AGAP1: variants seen among roughly 807,000 people sequenced by gnomAD.
AGAP1 encodes the protein arf-GAP with GTPase, ANK repeat and PH domain-containing protein 1.
AGAP1 carries 29 observed loss-of-function variants against 105.3 expected under a neutral mutation model. That is an observed-to-expected ratio of 0.28 (90% CI 0.21 to 0.38). AGAP1 has a LOEUF of 0.38. Ranked by LOEUF, AGAP1 falls within the 10% of genes least tolerant of loss-of-function variation. AGAP1 has a pLI of 1.00. For synonymous variants in AGAP1, 509 were observed against 485.9 expected (o/e 1.05, Z -0.63); for missense variants, 998 against 1,165.1 (o/e 0.86, Z 2.09).
chr2:236,060,339 G>A (rs1047385481), intron 16 of AGAP1, among the ~76,000 whole-genome samples: 3 of 152,146 alleles, frequency 2.0e-5, no homozygotes, highest in Non-Finnish European at 4.4e-5. Context: ...GCACAGAATG[G>A]GTGAAAACAT....
chr2:235,749,696 C>T (rs1189319394), intron 5 of AGAP1, among the ~76,000 whole-genome samples: 4 of 152,190 alleles, frequency 2.6e-5, no homozygotes, highest in Non-Finnish European at 4.4e-5. Flanking sequence ...TGACCTCTTG[C>T]TCTAAAACCC....
At chr2:235,661,608 G>C (rs1947957020) in intron 1 of AGAP1, among the ~76,000 whole-genome samples, 1 of 152,146 alleles carries the variant, frequency 6.6e-6, no homozygotes, top group African/African-American at 2.4e-5. Context: ...TGTGGACTTG[G>C]GGCTTCCGAT....
In AGAP1 at chr2:236,082,878, G is replaced by A. The variant is rs570477471; in HGVS notation, c.2114+33597G>A. 1.4e-5 allele frequency among the ~76,000 whole-genome samples: 2 copies of A among 143,410 alleles called. No homozygotes were observed. The highest frequency in any genetic ancestry group is 1.5e-5 in the Non-Finnish European group (1 of 66,082). The allele number at this position is 143,410 out of a possible 152,430, so 94.1% of individuals were successfully genotyped here. A position where few individuals can be genotyped will look rare whatever the true frequency, so the allele number is the denominator to read the frequency against. ...GGACAAGAGCAAAACTCCATCAGCCGGGCACAATGGCTCACGCCTGTAATC... is the reference window on the plus strand; with the variant it reads ...GGACAAGAGCAAAACTCCATCAGCCAGGCACAATGGCTCACGCCTGTAATC... On this transcript the variant is annotated intron_variant, in intron 16 of 17. Coordinates refer to ENST00000304032, the MANE Select transcript of AGAP1 (RefSeq NM_001037131.3). This position sits in a 1 kb window ranked among gnomAD's most constrained non-coding sequence, Gnocchi z 4.2.
intron 1 of AGAP1, among the ~76,000 whole-genome samples, chr2:235,497,320 G>T (rs1026973032): frequency 1.3e-5 from 2 of 152,194 alleles, no homozygotes; most frequent in East Asian, 3.9e-4. Flanking sequence ...CTAAGCCTGC[G>T]CTGGAACATC....
intron 1 of AGAP1, among the ~76,000 whole-genome samples, chr2:235,657,909 G>C (rs1198688390): frequency 1.3e-5 from 2 of 152,200 alleles, no homozygotes; most frequent in Non-Finnish European, 2.9e-5. Context: ...CAGACACACA[G>C]AGGAAAGACC....
intron 1 of AGAP1, among the ~76,000 whole-genome samples, chr2:235,562,463 C>A (rs867781359): frequency 3.3e-5 from 5 of 152,204 alleles, no homozygotes; most frequent in African/African-American, 1.2e-4. Context: ...TGTTTCTGAG[C>A]ATGGTGTGTG....
chr2:235,661,391 G>A (rs938545655), intron 1 of AGAP1, among the ~76,000 whole-genome samples: 10 of 152,130 alleles, frequency 6.6e-5, no homozygotes, highest in Admixed American at 4.6e-4. Context: ...AACTCTGAGC[G>A]GGAGAGTTGG....
rs548766323 is a variant in AGAP1 at position 235,659,816 on chromosome 2, G to A, written c.164-49363G>A. 8.2e-4 allele frequency among the ~76,000 whole-genome samples: 125 copies of A among 152,310 alleles called. No individual in the cohort carries two copies. Among genetic ancestry groups the A allele is most frequent in the South Asian group, 3.9e-3 (19 of 4,824 alleles). ...CCCTGGCCTCTGCAGATAAGCCCTC[G>A]GATGCGAAATCTGGGGAACCAGCCA... is the stretch of plus-strand genomic sequence containing the variant. On this transcript the variant is annotated intron_variant, in intron 1 of 17. Transcript: ENST00000304032. The surrounding 1 kb of genome is among the most constrained non-coding windows in gnomAD (Gnocchi z 5.0).
Position 236,092,527 on chromosome 2 carries a change from G to A in AGAP1, c.2115-27665G>A, listed in dbSNP as rs561278751. On this transcript the variant is annotated intron_variant, in intron 16 of 17. Coordinates refer to ENST00000304032, the MANE Select transcript of AGAP1 (RefSeq NM_001037131.3). The surrounding 1 kb of genome is among the most constrained non-coding windows in gnomAD (Gnocchi z 4.7). ...CCTGCCTCAGCCTCCCGAGTAAGCT[G>A]GGATTACAGGTGTCCGCCACCGTGC... 3.3e-5 allele frequency among the ~76,000 whole-genome samples: 5 copies of A among 152,162 alleles called. No homozygotes were observed. The highest frequency in any genetic ancestry group is 3.9e-4 in the East Asian group (2 of 5,162).
intron 16 of AGAP1, among the ~76,000 whole-genome samples, chr2:236,084,952 C>T (rs1016529248): frequency 6.6e-6 from 1 of 151,286 alleles, no homozygotes; most frequent in Non-Finnish European, 1.5e-5. Flanking sequence ...CGGTGGCTCA[C>T]GCCTGTAATC....
intron 1 of AGAP1, among the ~76,000 whole-genome samples, chr2:235,537,786 C>T (rs1400701276): frequency 6.6e-6 from 1 of 152,290 alleles, no homozygotes; most frequent in Middle Eastern, 3.4e-3. Flanking sequence ...ATCGGAAGGA[C>T]TCACTGCTGG....
rs893050824 is a variant in AGAP1, at chr2:235,552,058, A to G, written c.163+57209A>G. On this transcript the variant is annotated intron_variant, in intron 1 of 17. Transcript: ENST00000304032. The surrounding 1 kb of genome is among the most constrained non-coding windows in gnomAD (Gnocchi z 5.9). ...CTGCCACCTGCTGGAAGGAGCCTGC[A>G]GGGAACTGTTTGTTGTGTGCTTGGC... Among the ~76,000 whole-genome samples, 17 of 152,350 alleles carry G rather than the reference A, an allele frequency of 1.1e-4. No homozygotes were observed. Among genetic ancestry groups the G allele is most frequent in the East Asian group, 5.8e-4 (3 of 5,192 alleles).
At chr2:235,521,744 G>A (rs1411031660) in intron 1 of AGAP1, among the ~76,000 whole-genome samples, 2 of 126,862 alleles carry the variant, frequency 1.6e-5, no homozygotes, top group Non-Finnish European at 1.7e-5. Flanking sequence ...TTATATATAT[G>A]TGTGTGTGTG....
Position 235,724,825 on chromosome 2 carries a change from T to A in AGAP1, c.310+7181T>A, listed in dbSNP as rs1438242182. Among the ~76,000 whole-genome samples the A allele has an allele frequency of 6.6e-6, 1 of 152,138 alleles. No individual in the cohort carries two copies. Among genetic ancestry groups the A allele is most frequent in the Non-Finnish European group, 1.5e-5 (1 of 68,022 alleles). On this transcript the variant is annotated intron_variant, in intron 3 of 17. Transcript: ENST00000304032. The surrounding 1 kb of genome is among the most constrained non-coding windows in gnomAD (Gnocchi z 4.9). ...GTCATAGGAAATTCTCAAACATACT[T>A]TTGCTTTGTGCCTGGGAAGCAGGAA...
In AGAP1 at chr2:235,965,706, G is replaced by A. The variant is rs2054360801; in HGVS notation, c.1484-2756G>A. Among the ~76,000 whole-genome samples the A allele has an allele frequency of 1.3e-5, 2 of 152,190 alleles. No homozygotes were observed. The highest frequency in any genetic ancestry group is 2.1e-4 in the South Asian group (1 of 4,826). On this transcript the variant is annotated intron_variant, in intron 12 of 17. Transcript: ENST00000304032. The surrounding 1 kb of genome is among the most constrained non-coding windows in gnomAD (Gnocchi z 5.8). ...TAGAGCCTGGAATAGCCCCTGTTGG[G>A]TAGTAACTTTGGATGAGTGTTTGCT...
chr2:235,528,619 G>A (rs539207514), intron 1 of AGAP1, among the ~76,000 whole-genome samples: 1 of 152,094 alleles, frequency 6.6e-6, no homozygotes, highest in South Asian at 2.1e-4. Context: ...TCATATAGTA[G>A]CTGTAGGAGA....
At chr2:235,604,322 AT>A (rs1037643628) in intron 1 of AGAP1, among the ~76,000 whole-genome samples, 3 of 151,522 alleles carry the variant, frequency 2.0e-5, no homozygotes, top group Admixed American at 1.3e-4. Flanking sequence ...TATACAACAG[AT>A]TTTTTTTAAT....
At chr2:235,735,182 C>T (rs538082029) in intron 3 of AGAP1, among the ~76,000 whole-genome samples, 2 of 152,234 alleles carry the variant, frequency 1.3e-5, no homozygotes, top group Admixed American at 6.5e-5. Context: ...GGCACACTGT[C>T]GTTGCCATAG....
intron 12 of AGAP1, among the ~76,000 whole-genome samples, chr2:235,948,600 T>C (rs1259566095): frequency 6.6e-6 from 1 of 152,188 alleles, no homozygotes; most frequent in Non-Finnish European, 1.5e-5. Context: ...GGATGTTTAG[T>C]TTGAAACTTT....
Sources: gnomAD v4.1 joint callset for allele counts (sites outside exome capture counted in the v4.1 genomes callset) on GRCh38, gnomAD v4.1.1 for gene constraint, Gnocchi (gnomAD v3.1) non-coding constraint, MANE v1.5 for transcripts, NCBI Gene and HGNC (gene_info 2026-07-23, HGNC 2026-07-21) for gene names.